Variants in LRP2 observed in about 807,000 individuals in gnomAD.
LRP2 encodes the protein LDL receptor related protein 2.
A neutral mutation model predicts 531.0 loss-of-function variants in LRP2; 172 were observed. The observed-to-expected ratio is 0.32, with a 90% CI of 0.29 to 0.37. The LOEUF (loss-of-function observed/expected upper bound fraction) is 0.37, where lower values mean the gene tolerates loss of function less well. Ranked by LOEUF, LRP2 falls within the 10% of genes least tolerant of loss-of-function variation. LRP2 has a pLI of 1.00. For missense variants in LRP2, 5,167 were observed against 5,868.3 expected (o/e 0.88, Z 3.90); for synonymous variants, 1,992 against 2,027.6 (o/e 0.98, Z 0.47).
Position 169,290,852 on chromosome 2 carries a change from T to C in LRP2, c.915A>G (p.Lys305=). Residue 305 remains lysine, a synonymous_variant, in exon 8 of 79, where the codon AAA becomes AAG. Coordinates refer to ENST00000649046, the MANE Select transcript of LRP2 (RefSeq NM_004525.3). ...GTAAATGTCTATACTCACTACAGTATTTTCCGGTACTAGTGTTGTTTTCAT... is the reference window on the plus strand; with the variant it reads ...GTAAATGTCTATACTCACTACAGTACTTTCCGGTACTAGTGTTGTTTTCAT... ...REDENNTSTG[K]YCSMTLCSAL... 6.2e-7 allele frequency: 1 copy of C among 1,614,040 alleles called. No homozygotes were observed. Among genetic ancestry groups the C allele is most frequent in the Non-Finnish European group, 8.5e-7 (1 of 1,179,928 alleles).
At position 169,207,076 on chromosome 2, in the gene LRP2, A is replaced by G. The variant is rs1227044700; in HGVS notation, c.6644T>C (p.Ile2215Thr). The G allele has an allele frequency of 6.2e-7, 1 of 1,613,520 alleles. No homozygotes were observed. Among genetic ancestry groups the G allele is most frequent in the Non-Finnish European group, 8.5e-7 (1 of 1,179,624 alleles). Residue 2215 changes from isoleucine (I) to threonine (T), a missense_variant, in exon 39 of 79, where the codon ATT becomes ACT. This residue lies in a region of LRP2 where 2,811 missense variants were observed against 3,058.0 expected (regional missense o/e 0.92). Transcript: ENST00000649046. ...FWADYGQRPK[I>T]ERSFLDCTNR... ...GGTACAGTCAAGGAAAGAACGCTCA[A>G]TCTTTGGTCTCTGCCCATAGTCAGC...
chr2:169,303,072 A>G (rs1410288585), intron 4 of LRP2, among the ~76,000 whole-genome samples: 1 of 152,122 alleles, frequency 6.6e-6, no homozygotes, highest in Non-Finnish European at 1.5e-5. Flanking sequence ...CTTCAAAATA[A>G]TGGGGAGAAT....
Position 169,128,992 on chromosome 2 carries a change from AG to A in LRP2, c.13800+20del, listed in dbSNP as rs1175116410. On this transcript the variant is annotated intron_variant, in intron 78 of 78. Coordinates refer to ENST00000649046, the MANE Select transcript of LRP2 (RefSeq NM_004525.3). ...TTTCTAAGAAAAAATGTCTGTGCTAAGAAAAATTGTTAAAAATTACCTGTGC... is the reference window on the plus strand; with the variant it reads ...TTTCTAAGAAAAAATGTCTGTGCTAAAAAAATTGTTAAAAATTACCTGTGC... 1 of 1,592,160 alleles carries A rather than the reference AG, an allele frequency of 6.3e-7. No homozygotes were observed. The highest frequency in any genetic ancestry group is 2.2e-5 in the East Asian group (1 of 44,774).
At position 169,307,317 on chromosome 2, in the gene LRP2, T is replaced by C. The variant is rs34592807; in HGVS notation, c.391A>G (p.Arg131Gly). 1.2e-3 allele frequency: 1,925 copies of C among 1,614,032 alleles called. 15 individuals carry two copies. The highest frequency in any genetic ancestry group is 4.9e-3 in the South Asian group (446 of 91,092). Residue 131 changes from arginine (R) to glycine (G), a missense_variant, in exon 4 of 79, where the codon AGA becomes GGA. Arg to Gly is a moderately radical substitution (Grantham distance 125). This residue lies in a region of LRP2 where 2,811 missense variants were observed against 3,058.0 expected (regional missense o/e 0.92). Transcript: ENST00000649046. ...TCATCAGCTCCATCGGGGCAGTCTC[T>C]GACGTGGTCGCACCTGTATTCACTT... ...IPSEYRCDHVRDCPDGADEND... is the reference protein window; with the variant it reads ...IPSEYRCDHVGDCPDGADEND...
chr2:169,357,815 A>T (rs1686033437), intron 1 of LRP2, among the ~76,000 whole-genome samples: 1 of 152,230 alleles, frequency 6.6e-6, no homozygotes, highest in African/African-American at 2.4e-5. Context: ...CAGTGTTCTT[A>T]CAGTGCCTGA....
At chr2:169,258,880 AAAAGAAAT>A in intron 17 of LRP2, 137 bp downstream of exon 17, 1 of 777,108 alleles carries the variant, frequency 1.3e-6, no homozygotes, top group Non-Finnish European at 2.1e-6. Flanking sequence ...TTTGGAGGAA[AAAAGAAAT>A]AAAATTTAAG....
In LRP2 at chr2:169,247,392, A is replaced by G. The variant is rs1690052357; in HGVS notation, c.2894T>C (p.Val965Ala). 7 of 1,614,180 alleles carry G rather than the reference A, an allele frequency of 4.3e-6. No homozygotes were observed. The East Asian group carries it at 1.3e-4, about 31-fold the overall frequency. Residue 965 changes from valine (V) to alanine (A), a missense_variant, in exon 20 of 79, where the codon GTC (valine) becomes GCC (alanine). Coordinates refer to ENST00000649046, the MANE Select transcript of LRP2 (RefSeq NM_004525.3). ...AYILHLKSYD[V>A]NIQTGSNACN... ...ATCTCACTCACCAGTCTGGATGTTG[A>G]CATCATACGATTTCAAATGCAGTAT...
At chr2:169,256,010 T>C (rs1690291169) in intron 19 of LRP2, 96 bp downstream of exon 19, 4 of 1,367,362 alleles carry the variant, frequency 2.9e-6, no homozygotes, top group Non-Finnish European at 4.1e-6. Flanking sequence ...GTGGCCAGCT[T>C]TTCTGGGATT....
At position 169,238,190 on chromosome 2, in the gene LRP2, T is replaced by C. The variant is rs756814610; in HGVS notation, c.4407A>G (p.Val1469=). 14 of 1,614,134 alleles carry C rather than the reference T, an allele frequency of 8.7e-6. 1 individual carries two copies. The South Asian group carries it at 1.4e-4, about 16-fold the overall frequency. The change falls in exon 27 of 79, where the codon GTA becomes GTG. Residue 1469 remains valine (V), a synonymous_variant. Coordinates refer to ENST00000649046, the MANE Select transcript of LRP2 (RefSeq NM_004525.3). ...CACTAATTGAATCAAAATCAACAGC[T>C]ACAATGTAAGAACCATTCTCGACCA... The part of the protein sequence containing the change: ...YSLVENGSYI[V]AVDFDSISGR...
intron 72 of LRP2, among the ~76,000 whole-genome samples, chr2:169,140,016 C>T (rs544396403): frequency 6.6e-6 from 1 of 152,310 alleles, no homozygotes; most frequent in East Asian, 1.9e-4. Context: ...ATCTTCTTTC[C>T]GAATCCATCC....
Position 169,200,047 on chromosome 2 carries a change from G to A in LRP2, c.8453-1136C>T, listed in dbSNP as rs907498636. Among the ~76,000 whole-genome samples, 9 of 152,152 alleles carry A rather than the reference G, an allele frequency of 5.9e-5. No individual in the cohort carries two copies. The South Asian group carries it at 8.3e-4, about 14-fold the overall frequency. ...GGGCGGATCATGAGGTCAGGAGATC[G>A]AGACCATCCTGGCTAACATGGTGAA... On this transcript the variant is annotated intron_variant, in intron 44 of 78. Coordinates refer to ENST00000649046, the MANE Select transcript of LRP2 (RefSeq NM_004525.3).
At chr2:169,153,154 G>A (rs1686207099) in intron 66 of LRP2, among the ~76,000 whole-genome samples, 190 bp from the exon 67 acceptor site, 2 of 152,168 alleles carry the variant, frequency 1.3e-5, no homozygotes, top group Admixed American at 1.3e-4. Context: ...TGAGCTATGA[G>A]CTACAAATGC....
intron 4 of LRP2, among the ~76,000 whole-genome samples, chr2:169,296,526 T>C (rs996887499): frequency 2.0e-4 from 31 of 152,040 alleles, no homozygotes; most frequent in African/African-American, 7.2e-4. Flanking sequence ...GTGAGCCAGA[T>C]AGCTCCTAGA....
intron 4 of LRP2, among the ~76,000 whole-genome samples, chr2:169,295,366 T>C (rs1244560289): frequency 1.3e-5 from 2 of 152,238 alleles, no homozygotes; most frequent in East Asian, 1.9e-4. Context: ...AAAAGCATAA[T>C]GTGCTTTCAA....
Position 169,279,408 on chromosome 2 carries a change from C to T in LRP2, c.1529G>A (p.Gly510Glu). Residue 510 changes from glycine to glutamate, a missense_variant, in exon 12 of 79, where the codon GGG becomes GAG. By Grantham distance (98) the Gly-to-Glu change is moderately conservative. Coordinates refer to ENST00000649046, the MANE Select transcript of LRP2 (RefSeq NM_004525.3). ...GTCCACGGCAATTCCTCTAGGATGC[C>T]CCAAGTTTTCAGTTATAAGGGTAAC... ...YRVTLITENLGHPRGIAVDPT... is the reference protein window; with the variant it reads ...YRVTLITENLEHPRGIAVDPT... 1.9e-6 allele frequency: 3 copies of T among 1,613,892 alleles called. No homozygotes were observed. The highest frequency in any genetic ancestry group is 2.5e-6 in the Non-Finnish European group (3 of 1,179,950).
At position 169,142,669 on chromosome 2, in the gene LRP2, C is replaced by CT; in HGVS notation, c.13108+4_13108+5insA. The CT allele has an allele frequency of 6.2e-7, 1 of 1,613,700 alleles. No individual in the cohort carries two copies. The highest frequency in any genetic ancestry group is 8.5e-7 in the Non-Finnish European group (1 of 1,179,782). Reference sequence around the variant, plus strand: ...CCCCCATAGCTGCTTGGGCAGTGCTCCTACCTGCATCACACTCAGTGGTGC... The same window carrying CT: ...CCCCCATAGCTGCTTGGGCAGTGCTCTCTACCTGCATCACACTCAGTGGTGC... On this transcript the variant is annotated splice_donor_region_variant and intron_variant, in intron 71 of 78. Transcript: ENST00000649046.
intron 16 of LRP2, among the ~76,000 whole-genome samples, chr2:169,262,069 A>G (rs1183140977): frequency 2.0e-5 from 3 of 152,070 alleles, no homozygotes; most frequent in Non-Finnish European, 2.9e-5. Flanking sequence ...AACTCTCAAT[A>G]AACTAGGTAT....
In LRP2 at chr2:169,231,728, A is replaced by G; in HGVS notation, c.5213T>C (p.Leu1738Pro). 1 of 1,614,096 alleles carries G rather than the reference A, an allele frequency of 6.2e-7. No homozygotes were observed. The highest frequency in any genetic ancestry group is 8.5e-7 in the Non-Finnish European group (1 of 1,179,976). ...PSGWSLSPDL[L>P]NCLRDDQPFL... ...GCATACTATACCTCTCAAGCAATTC[A>G]GGAGATCAGGAGACAGACTCCATCC... The change falls in exon 31 of 79, where the codon CTG becomes CCG. Residue 1738 changes from leucine (L) to proline (P), a missense_variant. Physicochemically the swap from Leu to Pro is moderately conservative, Grantham distance 98. Coordinates refer to ENST00000649046, the MANE Select transcript of LRP2 (RefSeq NM_004525.3).
intron 76 of LRP2, among the ~76,000 whole-genome samples, chr2:169,136,310 A>AC (rs202053453): frequency 0.011 from 1,590 of 149,898 alleles, 33 homozygotes; most frequent in African/African-American, 0.036. Flanking sequence ...TCTCCATGCC[A>AC]CCCCCCCAAA....
Sources: gnomAD v4.1 joint callset for allele counts (sites outside exome capture counted in the v4.1 genomes callset) on GRCh38, gnomAD v4.1.1 for gene constraint, gnomAD v4.1.1 regional missense constraint, MANE v1.5 for transcripts, NCBI Gene and HGNC (gene_info 2026-07-23, HGNC 2026-07-21) for gene names.